Variants in GRID2 observed in about 807,000 individuals in gnomAD.
GRID2 encodes the protein glutamate ionotropic receptor delta type subunit 2.
In GRID2, 33 loss-of-function variants were observed where a neutral mutation model predicts 114.8. The observed-to-expected ratio is 0.29, with a 90% CI of 0.22 to 0.38. GRID2 has a LOEUF of 0.38. Among genes scored for constraint, GRID2 ranks in the 10% least tolerant of loss-of-function variants. The probability of loss-of-function intolerance (pLI) is 1.00; values close to 1 mark genes in which losing one functional copy is unlikely to be tolerated. For synonymous variants in GRID2, 505 were observed against 449.9 expected, an observed-to-expected ratio of 1.12 and a Z score of -1.55; for missense variants, 1,184 against 1,257.7, an observed-to-expected ratio of 0.94 and a Z score of 0.89.
intron 1 of GRID2, among the ~76,000 whole-genome samples, chr4:92,580,336 AAG>A (rs1553902961): frequency 6.6e-6 from 1 of 151,780 alleles, no homozygotes; most frequent in African/African-American, 2.4e-5. Flanking sequence ...AATAAAGAAG[AAG>A]AAAAAAATTA....
At chr4:92,688,063 T>TTTTTTTTTTTTTTTC (rs1734006221) in intron 2 of GRID2, among the ~76,000 whole-genome samples, 1 of 138,154 alleles carries the variant, frequency 7.2e-6, no homozygotes, top group East Asian at 2.2e-4. Context: ...TTTTTTTTTT[T>TTTTTTTTTTTTTTTC]TTTGGGATGG....
chr4:93,297,890 A>G (rs1754483527), intron 8 of GRID2, among the ~76,000 whole-genome samples: 1 of 152,226 alleles, frequency 6.6e-6, no homozygotes, highest in Non-Finnish European at 1.5e-5. Flanking sequence ...GAGCATACAT[A>G]GGAAGTATAT....
intron 5 of GRID2, among the ~76,000 whole-genome samples, chr4:93,214,875 T>C (rs961546569): frequency 1.3e-5 from 2 of 152,032 alleles, no homozygotes; most frequent in Non-Finnish European, 2.9e-5. Context: ...TTCATAAATA[T>C]TAATCTAAAT....
chr4:93,062,033 A>C (rs746046080), intron 2 of GRID2, among the ~76,000 whole-genome samples: 22 of 152,160 alleles, frequency 1.4e-4, no homozygotes, highest in Non-Finnish European at 2.9e-4. Flanking sequence ...GAATATTTAT[A>C]AGAGGTCTGA....
At chr4:93,263,105 A>G (rs959781897) in intron 8 of GRID2, among the ~76,000 whole-genome samples, 7 of 151,994 alleles carry the variant, frequency 4.6e-5, no homozygotes, top group African/African-American at 1.7e-4. Context: ...CTAATTATGC[A>G]TATTTTTCTC....
Position 93,377,219 on chromosome 4 carries a change from T to C in GRID2, c.1246-18388T>C, listed in dbSNP as rs534248601. ...TCAGTAGGATGATGAATATTTGAGT[T>C]TATAATTTTATTCTATTTATATATT... On this transcript the variant is annotated intron_variant, in intron 8 of 15. Coordinates refer to ENST00000282020, the MANE Select transcript of GRID2 (RefSeq NM_001510.4). Among the ~76,000 whole-genome samples the C allele has an allele frequency of 3.3e-5, 5 of 152,282 alleles. No individual in the cohort carries two copies. In the East Asian group the frequency reaches 9.7e-4, roughly 29 times the overall value.
chr4:92,856,775 T>C (rs760802637), intron 2 of GRID2, among the ~76,000 whole-genome samples: 2 of 152,162 alleles, frequency 1.3e-5, no homozygotes, highest in Non-Finnish European at 2.9e-5. Flanking sequence ...TGTACGGACA[T>C]TGTTAACTTC....
At chr4:93,286,650 C>T (rs1409757553) in intron 8 of GRID2, among the ~76,000 whole-genome samples, 2 of 150,926 alleles carry the variant, frequency 1.3e-5, no homozygotes, top group African/African-American at 2.4e-5. Context: ...CAATTGTGAG[C>T]CCCTCAATGG....
At chr4:93,590,282 G>A (rs1293673787) in intron 13 of GRID2, among the ~76,000 whole-genome samples, 22,439 of 141,200 alleles carry the variant, frequency 0.16, 2,313 homozygotes, top group Middle Eastern at 0.29. Flanking sequence ...TGGCTAGCCA[G>A]TTTTCCCAGC....
chr4:92,661,732 G>T (rs28461791), intron 2 of GRID2, among the ~76,000 whole-genome samples: 2 of 150,910 alleles, frequency 1.3e-5, no homozygotes, highest in African/African-American at 4.8e-5. Flanking sequence ...TCTTAATGAT[G>T]ATGTATATGT....
At chr4:93,596,262 C>T (rs73839600) in intron 13 of GRID2, among the ~76,000 whole-genome samples, 4,973 of 152,226 alleles carry the variant, frequency 0.033, 262 homozygotes, top group African/African-American at 0.11. Context: ...TCTAATACCC[C>T]AATATGGCTT....
intron 8 of GRID2, among the ~76,000 whole-genome samples, chr4:93,331,640 A>G (rs554827716): frequency 2.0e-5 from 3 of 152,252 alleles, no homozygotes; most frequent in Admixed American, 6.5e-5. Flanking sequence ...GCCATTCAAC[A>G]AACATTTGTA....
chr4:93,378,281 G>T (rs1203383098), intron 8 of GRID2, among the ~76,000 whole-genome samples: 1 of 151,864 alleles, frequency 6.6e-6, no homozygotes, highest in African/African-American at 2.4e-5. Context: ...CCCCAAAATG[G>T]TTTCCACATA....
chr4:92,655,800 G>A (rs1374823891), intron 2 of GRID2, among the ~76,000 whole-genome samples: 2 of 151,270 alleles, frequency 1.3e-5, no homozygotes, highest in African/African-American at 4.8e-5. Flanking sequence ...CTACAAAGAG[G>A]GATAATTTGA....
intron 2 of GRID2, among the ~76,000 whole-genome samples, chr4:92,983,968 C>T (rs549085860): frequency 3.3e-5 from 5 of 152,190 alleles, no homozygotes; most frequent in South Asian, 2.1e-4. Flanking sequence ...GATTTTGTGC[C>T]GATAACTCAA....
chr4:92,690,779 C>T (rs1385892652), intron 2 of GRID2, among the ~76,000 whole-genome samples: 1 of 151,354 alleles, frequency 6.6e-6, no homozygotes, highest in Admixed American at 6.6e-5. Flanking sequence ...TTCTTAGTAC[C>T]CTCATTTTAA....
At chr4:92,725,602 T>C (rs1347745581) in intron 2 of GRID2, among the ~76,000 whole-genome samples, 1 of 152,074 alleles carries the variant, frequency 6.6e-6, no homozygotes, top group Admixed American at 6.6e-5. Flanking sequence ...GAAGCGTCAG[T>C]TTGTAAAATG....
At chr4:92,832,180 C>T (rs530875331) in intron 2 of GRID2, among the ~76,000 whole-genome samples, 2 of 152,122 alleles carry the variant, frequency 1.3e-5, no homozygotes, top group Admixed American at 1.3e-4. Context: ...TGGCTCACTC[C>T]TGTAATCCCA....
chr4:93,503,920 T>C (rs1728382510), intron 12 of GRID2, among the ~76,000 whole-genome samples: 1 of 152,104 alleles, frequency 6.6e-6, no homozygotes, highest in South Asian at 2.1e-4. Flanking sequence ...TGTTGAGTTA[T>C]CAGTAGAAAC....
Sources: gnomAD v4.1 joint callset for allele counts (sites outside exome capture counted in the v4.1 genomes callset) on GRCh38, gnomAD v4.1.1 for gene constraint, MANE v1.5 for transcripts, NCBI Gene and HGNC (gene_info 2026-07-23, HGNC 2026-07-21) for gene names.